ARAP2: variants seen among roughly 807,000 people sequenced by gnomAD.
ARAP2 encodes the protein ArfGAP with RhoGAP domain, ankyrin repeat and PH domain 2, also known as arf-GAP with Rho-GAP domain, ANK repeat and PH domain-containing protein 2.
In ARAP2, 148 loss-of-function variants were observed where a neutral mutation model predicts 194.5. That is an observed-to-expected ratio of 0.76 (90% CI 0.67 to 0.87). The LOEUF is 0.87. Among genes scored for constraint, ARAP2 ranks in the 40% least tolerant of loss-of-function variants. ARAP2 has a pLI of 0.00. For missense variants in ARAP2, 2,128 were observed against 1,989.7 expected, an observed-to-expected ratio of 1.07 and a Z score of -1.32; for synonymous variants, 695 against 683.5, an observed-to-expected ratio of 1.02 and a Z score of -0.26.
At chr4:36,173,656 A>C (rs2109834747) in intron 9 of ARAP2, among the ~76,000 whole-genome samples, 1 of 152,280 alleles carries the variant, frequency 6.6e-6, no homozygotes, top group Non-Finnish European at 1.5e-5. Context: ...TGAAGAGACA[A>C]TTTGAGAAAA....
rs570901505 is a variant in ARAP2 at position 36,122,826 on chromosome 4, A to G, written c.3747-1500T>C. Among the ~76,000 whole-genome samples the G allele has an allele frequency of 1.3e-5, 2 of 151,932 alleles. 1 individual carries two copies. The highest frequency in any genetic ancestry group is 4.1e-4 in the South Asian group (2 of 4,830). On this transcript the variant is annotated intron_variant, in intron 22 of 32. Transcript: ENST00000303965. ...AGAAAGGGAAAGTTACATTGCTAAA[A>G]ATGTAACAGACGAGAACTGTAAGTG...
intron 28 of ARAP2, among the ~76,000 whole-genome samples, chr4:36,088,245 G>C (rs529769800): frequency 1.3e-5 from 2 of 152,158 alleles, no homozygotes; most frequent in African/African-American, 4.8e-5. Context: ...GTATATGCAA[G>C]GACCGTGATT....
chr4:36,024,509 G>A (rs946661179), intron 5 of ARAP2, among the ~76,000 whole-genome samples: 1 of 152,058 alleles, frequency 6.6e-6, no homozygotes, highest in East Asian at 1.9e-4. Flanking sequence ...TTATATTGTA[G>A]AAGGAATAAT....
chr4:36,121,326 C>A lies in ARAP2; in HGVS notation c.3747G>T (p.Arg1249Ser). The A allele has an allele frequency of 1.3e-6, 2 of 1,580,520 alleles. No homozygotes were observed. Among genetic ancestry groups the A allele is most frequent in the African/African-American group, 1.4e-5 (1 of 73,414 alleles). The stretch of plus-strand genomic sequence containing the variant: ...GATTGATTTCTGAGCATTTCTGAAC[C>A]CTGTCAGAGAAAAGCATAGTTTATT... ...TLAAIIEHLY[R>S]VQKCSEINHM... The change falls in exon 23 of 33, where the codon AGG (arginine) becomes AGT (serine). Residue 1249 changes from arginine (R) to serine (S), a missense_variant and splice_region_variant. Coordinates refer to ENST00000303965, the MANE Select transcript of ARAP2 (RefSeq NM_015230.4).
intron 2 of ARAP2, among the ~76,000 whole-genome samples, chr4:36,218,617 G>C (rs745631287): frequency 6.6e-6 from 1 of 152,072 alleles, no homozygotes; most frequent in Non-Finnish European, 1.5e-5. Context: ...ATAAACCTCA[G>C]TGTAATAGGC....
chr4:36,106,028 C>T (rs1718328537), intron 27 of ARAP2, among the ~76,000 whole-genome samples: 1 of 151,940 alleles, frequency 6.6e-6, no homozygotes, highest in South Asian at 2.1e-4. Flanking sequence ...TAGGGTTTCT[C>T]AACATCAGCA....
At chr4:36,095,314 T>C (rs961663230) in intron 27 of ARAP2, among the ~76,000 whole-genome samples, 1 of 152,186 alleles carries the variant, frequency 6.6e-6, no homozygotes, top group Non-Finnish European at 1.5e-5. Context: ...ATTTTTAGCA[T>C]GTTCTAAATG....
rs73809141 is a variant in ARAP2, at chr4:36,154,287, C to T, written c.2753-3243G>A. Among the ~76,000 whole-genome samples, 967 of 152,192 alleles carry T rather than the reference C, an allele frequency of 6.4e-3. 11 individuals carry two copies. Among genetic ancestry groups the T allele is most frequent in the African/African-American group, 0.022 (919 of 41,536 alleles). ...ACAAACAGTAAGATACATTAGTAAT[C>T]CTTTTCATTTAAAATACATGTGATT... On this transcript the variant is annotated intron_variant, in intron 15 of 32. Coordinates refer to ENST00000303965, the MANE Select transcript of ARAP2 (RefSeq NM_015230.4).
intron 9 of ARAP2, among the ~76,000 whole-genome samples, chr4:36,175,902 G>C (rs999728857): frequency 3.3e-5 from 5 of 151,906 alleles, no homozygotes; most frequent in East Asian, 1.9e-4. Flanking sequence ...CATATATTCT[G>C]GTCTTGTTTG....
intron 2 of ARAP2, among the ~76,000 whole-genome samples, chr4:36,056,782 T>C (rs913414402): frequency 6.6e-6 from 1 of 152,182 alleles, no homozygotes; most frequent in Non-Finnish European, 1.5e-5. Flanking sequence ...GAAAGTCATA[T>C]GTTCTTTCAC....
chr4:36,071,783 C>T (rs1186356086), intron 32 of ARAP2, among the ~76,000 whole-genome samples: 2 of 150,466 alleles, frequency 1.3e-5, no homozygotes, highest in African/African-American at 4.9e-5. Context: ...ATGTGCCATG[C>T]TGGTGCGCTG....
chr4:36,241,241 C>T (rs1444552861), intron 1 of ARAP2, among the ~76,000 whole-genome samples: 1 of 152,134 alleles, frequency 6.6e-6, no homozygotes, highest in Non-Finnish European at 1.5e-5. Flanking sequence ...TTCAGAATAG[C>T]CTACTGTGTT....
chr4:36,078,742 G>T (rs918364380), intron 31 of ARAP2, among the ~76,000 whole-genome samples: 3 of 152,134 alleles, frequency 2.0e-5, no homozygotes, highest in Non-Finnish European at 1.5e-5. Flanking sequence ...AATTTCAACT[G>T]CAGAGTCTAC....
Position 36,019,940 on chromosome 4 carries a change from A to C in ARAP2, n.608-654T>G, listed in dbSNP as rs557018169. On this transcript the variant is annotated intron_variant and non_coding_transcript_variant, in intron 5 of 12. Transcript: ENST00000503225. ...GAAACCTCAGATAGTGCTGAACCCTATATATACTATGTTTTTTTCCCTGTA... is the reference window on the plus strand; with the variant it reads ...GAAACCTCAGATAGTGCTGAACCCTCTATATACTATGTTTTTTTCCCTGTA... Among the ~76,000 whole-genome samples the C allele has an allele frequency of 3.3e-5, 5 of 152,300 alleles. No homozygotes were observed. In the South Asian group the frequency reaches 1.0e-3, roughly 32 times the overall value.
At chr4:36,223,257 TA>T (rs1310264228) in intron 2 of ARAP2, among the ~76,000 whole-genome samples, 2 of 152,132 alleles carry the variant, frequency 1.3e-5, no homozygotes, top group Non-Finnish European at 2.9e-5. Flanking sequence ...AAACCCCAAA[TA>T]ATAATAAAAT....
intron 9 of ARAP2, among the ~76,000 whole-genome samples, chr4:36,174,797 T>C (rs555760697): frequency 6.6e-6 from 1 of 152,310 alleles, no homozygotes; most frequent in East Asian, 1.9e-4. Context: ...AGCCAATTAG[T>C]AGCAGAACAA....
Position 36,036,837 on chromosome 4 carries a change from C to A in ARAP2, n.607+9142G>T, listed in dbSNP as rs570988247. Reference sequence around the variant, plus strand: ...ATCCTTTCATCATTGAGAAGCTCTACCTATTAAATACTTACATTTTATATA... The same window carrying A: ...ATCCTTTCATCATTGAGAAGCTCTAACTATTAAATACTTACATTTTATATA... On this transcript the variant is annotated intron_variant and non_coding_transcript_variant, in intron 5 of 12. Coordinates refer to the ARAP2 transcript ENST00000503225. Among the ~76,000 whole-genome samples, 4 of 152,190 alleles carry A rather than the reference C, an allele frequency of 2.6e-5. No homozygotes were observed. The Middle Eastern group carries it at 0.01, about 388-fold the overall frequency.
chr4:36,210,290 G>T, intron 6 of ARAP2, 100 bp downstream of exon 6: 1 of 1,026,184 alleles, frequency 9.7e-7, no homozygotes, highest in Non-Finnish European at 1.4e-6. Flanking sequence ...GTGTGTGTGT[G>T]GCGGTGGAGT....
At chr4:36,193,776 T>C (rs946380655) in intron 6 of ARAP2, 129 bp from the exon 7 acceptor site, 9 of 668,970 alleles carry the variant, frequency 1.3e-5, no homozygotes, top group Non-Finnish European at 2.1e-5. Flanking sequence ...CAATAGGCTA[T>C]GATAATACAC....
Sources: allele counts gnomAD v4.1 joint callset (sites outside exome capture counted in the v4.1 genomes callset), GRCh38; gene constraint gnomAD v4.1.1; transcripts MANE v1.5; gene names NCBI Gene and HGNC (gene_info 2026-07-23, HGNC 2026-07-21).